USP25: variants seen among roughly 807,000 people sequenced by gnomAD.
USP25 encodes ubiquitin specific peptidase 25, also known as ubiquitin carboxyl-terminal hydrolase 25.
A neutral mutation model predicts 158.5 loss-of-function variants in USP25; 85 were observed. The ratio of observed to expected loss-of-function variants is 0.54; its 90% CI spans 0.45 to 0.64. The LOEUF is 0.64. USP25 is among the 30% of genes least tolerant of loss of function. USP25 has a pLI of 0.00. For synonymous variants in USP25, 464 were observed against 460.4 expected (o/e 1.01, Z -0.10); for missense variants, 1,242 against 1,327.3 (o/e 0.94, Z 1.00).
chr21:15,795,833 A>G (rs1368965394), intron 5 of USP25, among the ~76,000 whole-genome samples: 1 of 151,266 alleles, frequency 6.6e-6, no homozygotes, highest in Non-Finnish European at 1.5e-5. Flanking sequence ...AATGCCATCT[A>G]TTTTTCAATC....
intron 1 of USP25, among the ~76,000 whole-genome samples, chr21:15,756,377 G>A (rs1182472963): frequency 2.0e-5 from 3 of 152,134 alleles, no homozygotes; most frequent in African/African-American, 7.2e-5. Flanking sequence ...AGAGCACTCA[G>A]CAAGCCAGAA....
At chr21:15,732,078 G>T (rs1390643517) in intron 1 of USP25, among the ~76,000 whole-genome samples, 1 of 152,156 alleles carries the variant, frequency 6.6e-6, no homozygotes, top group Non-Finnish European at 1.5e-5. Context: ...TGGTTCAGAG[G>T]TTATGCATAA....
chr21:15,737,844 TC>T (rs200837162), intron 1 of USP25, among the ~76,000 whole-genome samples: 122 of 151,530 alleles, frequency 8.1e-4, no homozygotes, highest in African/African-American at 2.8e-3. Flanking sequence ...TTTTTTTTTT[TC>T]CCTTCAGATT....
At position 15,842,540 on chromosome 21, in the gene USP25, G is replaced by C; in HGVS notation, c.2337G>C (p.Ser779=). 1.9e-6 allele frequency: 3 copies of C among 1,612,894 alleles called. No homozygotes were observed. Among genetic ancestry groups the C allele is most frequent in the Non-Finnish European group, 2.5e-6 (3 of 1,179,350 alleles). The stretch of plus-strand genomic sequence containing the variant: ...AAAGTCCTGAAACAGTTTTGCAGTC[G>C]GTAAGAACTTTTCTTTTGGCTCTCT... ...EDKSPETVLQ[S]KPENTTSQPL... The change falls in exon 18 of 26, where the codon TCG becomes TCC. Residue 779 remains serine (S), a splice_region_variant and synonymous_variant. Transcript: ENST00000400183.
chr21:15,879,896 T>C lies in USP25; in HGVS notation c.*1421T>C, dbSNP rs974549124. 3 of 152,350 alleles carry C rather than the reference T, an allele frequency of 2.0e-5. No homozygotes were observed. Among genetic ancestry groups the C allele is most frequent in the African/African-American group, 7.2e-5 (3 of 41,462 alleles). The allele number at this position is 152,350 out of a possible 1,614,324, so 9.4% of individuals were successfully genotyped here. A position where few individuals can be genotyped will look rare whatever the true frequency, so the allele number is the denominator to read the frequency against. On this transcript the variant is annotated 3_prime_UTR_variant, in exon 26 of 26. Coordinates refer to ENST00000400183, the MANE Select transcript of USP25 (RefSeq NM_001283041.3). ...GTACTATTCCTGTTGTAAAGTTAGA[T>C]TTTGCATATTGTATCTATCAAAATA...
chr21:15,730,330 G>C lies in USP25; in HGVS notation c.-64G>C. On this transcript the variant is annotated 5_prime_UTR_variant, in exon 1 of 26. Coordinates refer to ENST00000400183, the MANE Select transcript of USP25 (RefSeq NM_001283041.3). The stretch of plus-strand genomic sequence containing the variant: ...GGAGCTCGGCGGAGCGCGGCAGCCA[G>C]GGCCGGCGGAGGCGCGAGGAGCCGG... The C allele has an allele frequency of 9.3e-7, 1 of 1,076,700 alleles. No individual in the cohort carries two copies. The highest frequency in any genetic ancestry group is 1.1e-6 in the Non-Finnish European group (1 of 890,586). 66.7% of individuals were successfully genotyped at this position (1,076,700 alleles called of 1,614,324 possible). A position where few individuals can be genotyped will look rare whatever the true frequency, so the allele number is the denominator to read the frequency against.
At chr21:15,789,433 T>G (rs2035470716) in intron 4 of USP25, among the ~76,000 whole-genome samples, 2 of 152,230 alleles carry the variant, frequency 1.3e-5, no homozygotes, top group African/African-American at 4.8e-5. Flanking sequence ...TGTGATCTGC[T>G]CTGTTGACAT....
At chr21:15,868,671 T>C (rs982466970) in intron 22 of USP25, among the ~76,000 whole-genome samples, 1 of 152,210 alleles carries the variant, frequency 6.6e-6, no homozygotes, top group Non-Finnish European at 1.5e-5. Context: ...TAAACTTTTA[T>C]TGGAACATGG....
At chr21:15,857,710 C>T (rs2039223451) in intron 20 of USP25, among the ~76,000 whole-genome samples, 1 of 151,928 alleles carries the variant, frequency 6.6e-6, no homozygotes, top group African/African-American at 2.4e-5. Context: ...TCTTACTATA[C>T]ATAATTTTTT....
chr21:15,766,859 A>T lies in USP25; in HGVS notation c.268+718A>T, dbSNP rs192846902. Among the ~76,000 whole-genome samples, 1 of 152,206 alleles carries T rather than the reference A, an allele frequency of 6.6e-6. No homozygotes were observed. The highest frequency in any genetic ancestry group is 1.9e-4 in the East Asian group (1 of 5,176). ...GGATTTGCAAAGTTTGATTATTAAC[A>T]TATATTTGGAGAGAATTTCTTATTT... On this transcript the variant is annotated intron_variant, in intron 3 of 25. Transcript: ENST00000400183. The surrounding 1 kb of genome is among the most constrained non-coding windows in gnomAD (Gnocchi z 4.0).
intron 18 of USP25, among the ~76,000 whole-genome samples, chr21:15,846,104 A>G (rs1232856973): frequency 1.4e-4 from 17 of 122,662 alleles, no homozygotes; most frequent in African/African-American, 5.1e-4. Context: ...GGATTTTGAT[A>G]TATGTGTGTG....
intron 23 of USP25, among the ~76,000 whole-genome samples, chr21:15,872,167 C>T (rs2039922953): frequency 6.6e-6 from 1 of 151,614 alleles, no homozygotes; most frequent in Admixed American, 6.6e-5. Context: ...TACTGATGGA[C>T]CCTTGTGAGT....
chr21:15,764,792 A>G (rs1406268178), intron 2 of USP25, among the ~76,000 whole-genome samples: 1 of 152,128 alleles, frequency 6.6e-6, no homozygotes, highest in African/African-American at 2.4e-5. Context: ...GAATCGTCTA[A>G]TGATCATGAC....
chr21:15,842,256 C>A, intron 17 of USP25, 142 bp from the exon 18 acceptor site: 2 of 793,334 alleles, frequency 2.5e-6, no homozygotes, highest in Non-Finnish European at 3.7e-6. Flanking sequence ...AAGTGCTATA[C>A]GTGGAAAGAT....
chr21:15,765,653 C>G (rs2033996969), intron 2 of USP25, among the ~76,000 whole-genome samples: 1 of 151,998 alleles, frequency 6.6e-6, no homozygotes, highest in Admixed American at 6.6e-5. Flanking sequence ...CCATTTTGCA[C>G]TCTTTCGTAT....
chr21:15,750,760 C>G (rs555711201), intron 1 of USP25, among the ~76,000 whole-genome samples: 27 of 152,066 alleles, frequency 1.8e-4, no homozygotes, highest in African/African-American at 6.0e-4. Flanking sequence ...GTGCCCGCCA[C>G]CACGTCCGGC....
intron 7 of USP25, among the ~76,000 whole-genome samples, chr21:15,806,941 T>C (rs2036421771): frequency 6.6e-6 from 1 of 152,176 alleles, no homozygotes; most frequent in Non-Finnish European, 1.5e-5. Context: ...TGTTTTTTTT[T>C]GAGACACAGT....
At chr21:15,760,726 T>A (rs2033674246) in intron 1 of USP25, among the ~76,000 whole-genome samples, 1 of 152,222 alleles carries the variant, frequency 6.6e-6, no homozygotes, top group Non-Finnish European at 1.5e-5. Flanking sequence ...AATTTAAAGT[T>A]GCAAGACTTA....
At chr21:15,874,659 T>C (rs2040029027) in intron 24 of USP25, 133 bp downstream of exon 24, 3 of 826,670 alleles carry the variant, frequency 3.6e-6, no homozygotes. Context: ...AAACTGGTTC[T>C]AGTCCCTTCA....
Sources: allele counts gnomAD v4.1 joint callset (sites outside exome capture counted in the v4.1 genomes callset), GRCh38; gene constraint gnomAD v4.1.1; non-coding constraint Gnocchi (gnomAD v3.1); transcripts MANE v1.5; gene names NCBI Gene and HGNC (gene_info 2026-07-23, HGNC 2026-07-21).